NRG3: variants seen among roughly 807,000 people sequenced by gnomAD.
NRG3 encodes pro-neuregulin-3, membrane-bound isoform.
A neutral mutation model predicts 66.9 loss-of-function variants in NRG3; 31 were observed. That is an observed-to-expected ratio of 0.46 (90% CI 0.35 to 0.63). NRG3 has a LOEUF of 0.63. Ranked by LOEUF, NRG3 falls within the 20% of genes least tolerant of loss-of-function variation. The pLI is 0.00. For synonymous variants in NRG3, 393 were observed against 359.4 expected (o/e 1.09, Z -1.06); for missense variants, 910 against 878.9 (o/e 1.04, Z -0.45).
At chr10:82,900,830 A>G (rs956415763) in intron 4 of NRG3, among the ~76,000 whole-genome samples, 4 of 152,196 alleles carry the variant, frequency 2.6e-5, no homozygotes, top group Admixed American at 6.5e-5. Flanking sequence ...CTGTGAGATG[A>G]CACACATTTT....
chr10:82,466,711 G>C (rs1411369556), intron 2 of NRG3, among the ~76,000 whole-genome samples: 1 of 152,094 alleles, frequency 6.6e-6, no homozygotes, highest in Non-Finnish European at 1.5e-5. Flanking sequence ...CAGTACCCAA[G>C]AAATTAGACA....
intron 2 of NRG3, among the ~76,000 whole-genome samples, chr10:82,709,879 T>C (rs1180439697): frequency 6.6e-6 from 1 of 152,244 alleles, no homozygotes; most frequent in African/African-American, 2.4e-5. Context: ...TCTGTTCCTT[T>C]TCTGGTCTTC....
At chr10:82,712,929 A>G (rs2056759043) in intron 2 of NRG3, among the ~76,000 whole-genome samples, 1 of 151,956 alleles carries the variant, frequency 6.6e-6, no homozygotes, top group African/African-American at 2.4e-5. Flanking sequence ...TGACCACCCC[A>G]GCCAGCATGA....
At chr10:82,649,635 A>G (rs866427933) in intron 2 of NRG3, among the ~76,000 whole-genome samples, 3 of 151,704 alleles carry the variant, frequency 2.0e-5, no homozygotes, top group Admixed American at 1.3e-4. Flanking sequence ...TGTATTTTTA[A>G]TAGAGACAGA....
At position 82,962,050 on chromosome 10, in the gene NRG3, T is replaced by A. The variant is rs530407521; in HGVS notation, c.1284+2975T>A. On this transcript the variant is annotated intron_variant, in intron 6 of 8. Transcript: ENST00000372141. ...TTCATTAAACATTCATGGAAATGGG[T>A]TTCACTTTATAGTCATCTAACAAGA... 4.6e-5 allele frequency among the ~76,000 whole-genome samples: 7 copies of A among 152,322 alleles called. No individual in the cohort carries two copies. The East Asian group carries it at 1.3e-3, about 29-fold the overall frequency.
At chr10:82,194,249 G>T (rs2074328730) in intron 1 of NRG3, among the ~76,000 whole-genome samples, 1 of 152,048 alleles carries the variant, frequency 6.6e-6, no homozygotes, top group African/African-American at 2.4e-5. Flanking sequence ...AGGAAATGAA[G>T]ACAGCATGCA....
intron 2 of NRG3, among the ~76,000 whole-genome samples, chr10:82,667,914 A>G (rs998735318): frequency 6.6e-6 from 1 of 152,240 alleles, no homozygotes; most frequent in African/African-American, 2.4e-5. Context: ...TGCAAAGCTG[A>G]CAACATTCCA....
chr10:82,752,512 C>T (rs1042352229), intron 3 of NRG3, among the ~76,000 whole-genome samples: 8 of 152,150 alleles, frequency 5.3e-5, no homozygotes, highest in Non-Finnish European at 1.2e-4. Context: ...CTAAAATGAT[C>T]TTCAAGATCA....
chr10:82,269,736 C>T (rs1164278129), intron 1 of NRG3, among the ~76,000 whole-genome samples: 1 of 152,134 alleles, frequency 6.6e-6, no homozygotes, highest in East Asian at 1.9e-4. Flanking sequence ...CATGATAGCA[C>T]ACATTGCTAG....
intron 3 of NRG3, among the ~76,000 whole-genome samples, chr10:82,782,090 C>T (rs544989434): frequency 2.3e-4 from 35 of 152,280 alleles, no homozygotes; most frequent in African/African-American, 8.2e-4. Context: ...GCTTGAAACA[C>T]CCAACTCCAT....
At chr10:82,387,813 T>C (rs925905401) in intron 2 of NRG3, among the ~76,000 whole-genome samples, 4 of 152,196 alleles carry the variant, frequency 2.6e-5, no homozygotes, top group African/African-American at 9.6e-5. Flanking sequence ...AACATTAATA[T>C]AACACCAGAA....
At chr10:82,906,770 C>G (rs898663745) in intron 4 of NRG3, among the ~76,000 whole-genome samples, 8 of 152,088 alleles carry the variant, frequency 5.3e-5, no homozygotes, top group African/African-American at 7.2e-5. Context: ...TTAAATGTCT[C>G]TCTTCTAGAA....
At chr10:82,833,540 C>A (rs1157510018) in intron 3 of NRG3, among the ~76,000 whole-genome samples, 1 of 152,172 alleles carries the variant, frequency 6.6e-6, no homozygotes, top group Non-Finnish European at 1.5e-5. Flanking sequence ...TGCCTAATAG[C>A]ATTCTACTTG....
intron 3 of NRG3, among the ~76,000 whole-genome samples, chr10:82,757,454 C>T (rs972348185): frequency 3.3e-5 from 5 of 152,076 alleles, no homozygotes; most frequent in African/African-American, 1.2e-4. Flanking sequence ...AATATTTAAA[C>T]TGAGATCTGA....
At chr10:82,017,766 G>T (rs567193466) in intron 1 of NRG3, among the ~76,000 whole-genome samples, 2 of 152,082 alleles carry the variant, frequency 1.3e-5, no homozygotes, top group African/African-American at 2.4e-5. Flanking sequence ...CATATCCTTC[G>T]CCCACTTGTT....
intron 4 of NRG3, among the ~76,000 whole-genome samples, chr10:82,868,387 AT>A (rs1368884235): frequency 6.6e-6 from 1 of 152,150 alleles, no homozygotes; most frequent in Non-Finnish European, 1.5e-5. Context: ...TTTGCAAAAG[AT>A]AGATTCTAAT....
At chr10:82,457,663 G>C (rs2091331148) in intron 2 of NRG3, among the ~76,000 whole-genome samples, 1 of 152,152 alleles carries the variant, frequency 6.6e-6, no homozygotes, top group Admixed American at 6.5e-5. Flanking sequence ...ACAGTGCTCT[G>C]TGTTTATTCT....
chr10:82,849,670 C>A (rs191781418), intron 3 of NRG3, among the ~76,000 whole-genome samples: 1 of 152,060 alleles, frequency 6.6e-6, no homozygotes, highest in East Asian at 1.9e-4. Context: ...GAAAGAAGAG[C>A]ATTATAGGCA....
At chr10:82,880,470 A>G (rs929862834) in intron 4 of NRG3, among the ~76,000 whole-genome samples, 4 of 152,226 alleles carry the variant, frequency 2.6e-5, no homozygotes, top group African/African-American at 9.6e-5. Flanking sequence ...GATGAAAGTA[A>G]AAGTAATATG....
Sources: allele counts gnomAD v4.1 joint callset (sites outside exome capture counted in the v4.1 genomes callset), GRCh38; gene constraint gnomAD v4.1.1; transcripts MANE v1.5; gene names NCBI Gene and HGNC (gene_info 2026-07-23, HGNC 2026-07-21).